Variants in CIRSR observed in about 807,000 individuals in gnomAD.
CIRSR encodes the protein corepressor of RBPJ and splicing regulator.
chr2:174,348,870 T>C, the CIRSR span: 3 of 1,614,130 alleles, frequency 1.9e-6, no homozygotes, highest in East Asian at 6.7e-5. Flanking sequence ...TTCCCGGTTA[T>C]GGTGACTGCT....
chr2:174,376,076 G>T, the CIRSR span, among the ~76,000 whole-genome samples: 2 of 152,058 alleles, frequency 1.3e-5, no homozygotes, highest in African/African-American at 4.8e-5. Flanking sequence ...GCCCAGGCTG[G>T]TCTCAAACTC....
the CIRSR span, chr2:174,381,642 G>T: frequency 1.5e-6 from 2 of 1,309,246 alleles, no homozygotes; most frequent in Non-Finnish European, 2.1e-6. Context: ...GGACGACAGG[G>T]CAAGACTGTG....
At chr2:174,381,161 G>A in the CIRSR span, among the ~76,000 whole-genome samples, 3 of 152,118 alleles carry the variant, frequency 2.0e-5, no homozygotes, top group East Asian at 5.8e-4. Context: ...GGACATGAAA[G>A]TTTCTTCCTT....
the CIRSR span, chr2:174,379,087 T>C: frequency 2.3e-6 from 3 of 1,287,370 alleles, no homozygotes; most frequent in Non-Finnish European, 3.4e-6. Context: ...AGTAAGAATC[T>C]AACCAATGTT....
chr2:174,395,465 T>G, the CIRSR span: 1 of 1,324,902 alleles, frequency 7.5e-7, no homozygotes, highest in South Asian at 1.2e-5. Flanking sequence ...CCTAGGGATC[T>G]CAGAGACACC....
the CIRSR span, chr2:174,381,874 A>G: frequency 3.8e-6 from 3 of 794,442 alleles, no homozygotes; most frequent in Non-Finnish European, 6.0e-6. Flanking sequence ...GGGAATTAAG[A>G]TAAAATATTT....
chr2:174,392,142 C>T, the CIRSR span, among the ~76,000 whole-genome samples: 285 of 152,200 alleles, frequency 1.9e-3, 5 homozygotes, highest in South Asian at 0.038. Flanking sequence ...GGATTACAAG[C>T]GCCCGCCACC....
At chr2:174,376,730 G>A in the CIRSR span, among the ~76,000 whole-genome samples, 9,157 of 149,200 alleles carry the variant, frequency 0.061, 421 homozygotes, top group Middle Eastern at 0.1. Flanking sequence ...CCTGGGAGGC[G>A]GAGCTCGCAG....
chr2:174,355,250 A>G, the CIRSR span, among the ~76,000 whole-genome samples: 1 of 152,200 alleles, frequency 6.6e-6, no homozygotes, highest in African/African-American at 2.4e-5. Flanking sequence ...ATATGTTCAA[A>G]TGTAAAATAA....
chr2:174,362,165 G>A, the CIRSR span, among the ~76,000 whole-genome samples: 11 of 152,062 alleles, frequency 7.2e-5, no homozygotes, highest in Non-Finnish European at 1.2e-4. Context: ...AATGAGCCAG[G>A]CATTGTGGTA....
At chr2:174,373,388 T>C in the CIRSR span, among the ~76,000 whole-genome samples, 1 of 152,340 alleles carries the variant, frequency 6.6e-6, no homozygotes, top group East Asian at 1.9e-4. Flanking sequence ...CTGCTTTTTT[T>C]AGCTGTTCCA....
the CIRSR span, among the ~76,000 whole-genome samples, chr2:174,370,996 T>A: frequency 6.6e-6 from 1 of 152,062 alleles, no homozygotes; most frequent in South Asian, 2.1e-4. Flanking sequence ...TATTACACTG[T>A]GAAATTCAAA....
chr2:174,380,648 T>C, the CIRSR span: 2 of 1,610,752 alleles, frequency 1.2e-6, no homozygotes, highest in Non-Finnish European at 1.7e-6. Flanking sequence ...AACCAGTCCT[T>C]ACTTTTCTCG....
chr2:174,391,725 TA>T, the CIRSR span, among the ~76,000 whole-genome samples: 21 of 152,106 alleles, frequency 1.4e-4, no homozygotes, highest in Non-Finnish European at 1.8e-4. Context: ...GATTTGTGCT[TA>T]AAAAAAGACA....
chr2:174,375,225 G>A, the CIRSR span, among the ~76,000 whole-genome samples: 279 of 152,170 alleles, frequency 1.8e-3, no homozygotes, highest in African/African-American at 6.4e-3. Context: ...TAGGTAAAAA[G>A]GTATGCATGT....
At chr2:174,350,359 G>C in the CIRSR span, among the ~76,000 whole-genome samples, 1 of 152,186 alleles carries the variant, frequency 6.6e-6, no homozygotes, top group Admixed American at 6.5e-5. Flanking sequence ...AGAACAAATT[G>C]TGTGCGAAGA....
At chr2:174,381,675 G>C in the CIRSR span, 8 of 1,521,654 alleles carry the variant, frequency 5.3e-6, no homozygotes, top group Non-Finnish European at 7.1e-6. Flanking sequence ...AAAAAAGAAA[G>C]AAAAAAAGAA....
At chr2:174,350,061 T>G in the CIRSR span, among the ~76,000 whole-genome samples, 10 of 152,322 alleles carry the variant, frequency 6.6e-5, no homozygotes, top group Admixed American at 2.6e-4. Flanking sequence ...ATTAAAACAT[T>G]CTGAATTTCT....
At chr2:174,362,412 G>A in the CIRSR span, among the ~76,000 whole-genome samples, 1 of 152,024 alleles carries the variant, frequency 6.6e-6, no homozygotes, top group African/African-American at 2.4e-5. Flanking sequence ...TGAAATAAAT[G>A]TTAACAAATT....
Sources: allele counts gnomAD v4.1 joint callset (sites outside exome capture counted in the v4.1 genomes callset), GRCh38; gene constraint gnomAD v4.1.1; transcripts MANE v1.5; gene names NCBI Gene and HGNC (gene_info 2026-07-23, HGNC 2026-07-21).